NLGN4Y: variants seen among roughly 807,000 people sequenced by gnomAD.
NLGN4Y encodes the protein neuroligin 4 Y-linked.
In NLGN4Y, 4 loss-of-function variants were observed where a neutral mutation model predicts 8.4. The observed-to-expected ratio is 0.48, with a 90% CI of 0.23 to 1.09. The LOEUF (loss-of-function observed/expected upper bound fraction) is 1.09, where lower values mean the gene tolerates loss of function less well. Ranked by LOEUF, NLGN4Y falls within the 50% of genes least tolerant of loss-of-function variation. The pLI is 0.19. For synonymous variants in NLGN4Y, 35 were observed against 75.6 expected (o/e 0.46, Z 2.78); for missense variants, 90 against 192.3 (o/e 0.47, Z 3.15).
At chrY:14,707,010 T>C (rs2080881981) in intron 2 of NLGN4Y, among the ~76,000 whole-genome samples, 1 of 19,180 alleles carries the variant, frequency 5.2e-5, no homozygotes, top group African/African-American at 2.0e-4. Flanking sequence ...TGTGTATATA[T>C]ATATACCTGT....
intron 4 of NLGN4Y, among the ~76,000 whole-genome samples, chrY:14,757,887 G>A: frequency 2.9e-5 from 1 of 34,705 alleles, no homozygotes. Context: ...GTTTCCCAAC[G>A]TTTTTCTTCT....
intron 2 of NLGN4Y, among the ~76,000 whole-genome samples, chrY:14,696,889 C>T (rs578005557): frequency 2.2e-3 from 73 of 32,673 alleles, no homozygotes; most frequent in African/African-American, 8.0e-3. Flanking sequence ...CCTATCCTCA[C>T]GCATAACAAT....
chrY:14,743,492 TAA>T (rs770037111), intron 4 of NLGN4Y, among the ~76,000 whole-genome samples: 1 of 23,248 alleles, frequency 4.3e-5, no homozygotes, highest in Non-Finnish European at 1.0e-4. Flanking sequence ...ATACTGTCTT[TAA>T]AAAAAAAAAA....
At chrY:14,546,948 C>A in intron 1 of NLGN4Y, among the ~76,000 whole-genome samples, 11 of 33,499 alleles carry the variant, frequency 3.3e-4, no homozygotes, top group Non-Finnish European at 2.2e-4. Context: ...TGAGATAGGT[C>A]CCATCAACAC....
At chrY:14,544,076 G>A (rs2080160570) in intron 1 of NLGN4Y, among the ~76,000 whole-genome samples, 1 of 33,570 alleles carries the variant, frequency 3.0e-5, no homozygotes, top group African/African-American at 1.2e-4. Flanking sequence ...GCTTTTTGTC[G>A]TCCAGTTGTG....
chrY:14,527,286 G>A (rs2080097157), intron 1 of NLGN4Y, among the ~76,000 whole-genome samples: 1 of 33,912 alleles, frequency 2.9e-5, no homozygotes, highest in Non-Finnish European at 7.3e-5. Flanking sequence ...TTCAAATGAA[G>A]TAGCAATATA....
intron 4 of NLGN4Y, among the ~76,000 whole-genome samples, chrY:14,748,900 AAAAGAAAGAAAGAAAGAAAG>A (rs1259184673): frequency 8.1e-5 from 1 of 12,276 alleles, no homozygotes; most frequent in Non-Finnish European, 1.3e-4. Context: ...AAAAGAAAAA[AAAAGAAAGAAAGAAAGAAAG>A]AAAGAAAGAA....
rs2081082597 is a variant in NLGN4Y at position 14,762,343 on chromosome Y, GACA to G, written c.685+39079_685+39081del. Among the ~76,000 whole-genome samples the G allele has an allele frequency of 1.5e-4, 5 of 34,052 alleles. No individual in the cohort carries two copies. In the East Asian group the frequency reaches 3.8e-3, roughly 26 times the overall value. The allele number at this position is 34,052 out of a possible 37,273, so 91.4% of individuals were successfully genotyped here. A position where few individuals can be genotyped will look rare whatever the true frequency, so the allele number is the denominator to read the frequency against. ...ACATGAATTTAATGCTCCAGTATGTGACAACAATTATTGATTTTAAAAAATAAT... is the reference window on the plus strand; with the variant it reads ...ACATGAATTTAATGCTCCAGTATGTGACAATTATTGATTTTAAAAAATAAT... On this transcript the variant is annotated intron_variant, in intron 4 of 6. Transcript: ENST00000684976.
intron 2 of NLGN4Y, among the ~76,000 whole-genome samples, chrY:14,685,510 C>T (rs2080786543): frequency 1.2e-4 from 4 of 32,798 alleles, no homozygotes; most frequent in African/African-American, 4.7e-4. Context: ...GGCGTGAACA[C>T]GAATATGCGA....
chrY:14,695,086 A>G (rs936657866), intron 2 of NLGN4Y, among the ~76,000 whole-genome samples: 18 of 34,024 alleles, frequency 5.3e-4, no homozygotes, highest in Non-Finnish European at 1.0e-3. Flanking sequence ...GGAAGGAGGC[A>G]AATTAAAAGC....
chrY:14,833,159 G>A (rs748888858), intron 6 of NLGN4Y, among the ~76,000 whole-genome samples: 3 of 33,556 alleles, frequency 8.9e-5, no homozygotes, highest in Admixed American at 2.7e-4. Context: ...GCTCTGTTCC[G>A]TCTGGCTCAC....
chrY:14,776,681 C>T (rs2081127371), intron 4 of NLGN4Y, among the ~76,000 whole-genome samples: 1 of 32,060 alleles, frequency 3.1e-5, no homozygotes, highest in South Asian at 6.8e-4. Flanking sequence ...TCTCTTTGAT[C>T]TGTGTGGTGT....
intron 1 of NLGN4Y, among the ~76,000 whole-genome samples, chrY:14,560,090 GTGTT>G (rs2080222089): frequency 3.0e-5 from 1 of 33,152 alleles, no homozygotes; most frequent in East Asian, 7.9e-4. Context: ...ATGTCTGTGT[GTGTT>G]TGTGTGTGTG....
chrY:14,717,002 C>T (rs2080917357), intron 2 of NLGN4Y, among the ~76,000 whole-genome samples: 1 of 33,857 alleles, frequency 3.0e-5, no homozygotes, highest in African/African-American at 1.2e-4. Flanking sequence ...GTAATTCCAG[C>T]ACATTGGGAC....
intron 4 of NLGN4Y, among the ~76,000 whole-genome samples, chrY:14,798,068 A>C (rs2043018781): frequency 3.0e-5 from 1 of 33,511 alleles, no homozygotes; most frequent in Non-Finnish European, 7.4e-5. Context: ...TTTGTTTCTA[A>C]ACAAAAAATT....
intron 4 of NLGN4Y, among the ~76,000 whole-genome samples, chrY:14,799,598 C>T: frequency 3.0e-5 from 1 of 33,430 alleles, no homozygotes; most frequent in Middle Eastern, 0.014. Context: ...AGACTTTGCA[C>T]TGAAGAGGAT....
At chrY:14,545,672 G>A in intron 1 of NLGN4Y, among the ~76,000 whole-genome samples, 1 of 33,015 alleles carries the variant, frequency 3.0e-5, no homozygotes, top group African/African-American at 1.2e-4. Flanking sequence ...TTGTAGATTC[G>A]GATATTAGCC....
intron 5 of NLGN4Y, among the ~76,000 whole-genome samples, 195 bp from the exon 6 acceptor site, chrY:14,829,535 T>G: frequency 3.1e-5 from 1 of 32,509 alleles, no homozygotes; most frequent in Non-Finnish European, 7.5e-5. Context: ...GTGTGTAGAA[T>G]AACATTCCCT....
intron 2 of NLGN4Y, among the ~76,000 whole-genome samples, chrY:14,641,588 G>A (rs1603501896): frequency 2.9e-5 from 1 of 33,974 alleles, no homozygotes; most frequent in East Asian, 8.0e-4. Flanking sequence ...AAGTCAGCAA[G>A]TTTGTGGTAA....
Sources: gnomAD v4.1 joint callset for allele counts (sites outside exome capture counted in the v4.1 genomes callset) on GRCh38, gnomAD v4.1.1 for gene constraint, MANE v1.5 for transcripts, NCBI Gene and HGNC (gene_info 2026-07-23, HGNC 2026-07-21) for gene names.